ACER2: variants seen among roughly 807,000 people sequenced by gnomAD.
ACER2 encodes the protein alkaline ceramidase 2, also known as alkCDase 2.
ACER2 carries 26 observed loss-of-function variants against 34.7 expected under a neutral mutation model. The ratio of observed to expected loss-of-function variants is 0.75; its 90% CI spans 0.55 to 1.04. The LOEUF (loss-of-function observed/expected upper bound fraction) is 1.04, where lower values mean the gene tolerates loss of function less well. Ranked by LOEUF, ACER2 falls within the 50% of genes least tolerant of loss-of-function variation. The probability of loss-of-function intolerance (pLI) is 0.00; values close to 1 mark genes in which losing one functional copy is unlikely to be tolerated. For synonymous variants in ACER2, 138 were observed against 132.1 expected, an observed-to-expected ratio of 1.04 and a Z score of -0.31; for missense variants, 352 against 340.8, an observed-to-expected ratio of 1.03 and a Z score of -0.26.
intron 5 of ACER2, 44 bp downstream of exon 5, chr9:19,446,462 T>G: frequency 6.2e-7 from 1 of 1,612,816 alleles, no homozygotes; most frequent in Non-Finnish European, 8.5e-7. Flanking sequence ...CAGGTGTGTT[T>G]GCACTTGCTG....
At chr9:19,412,305 T>G (rs1227842813) in intron 1 of ACER2, among the ~76,000 whole-genome samples, 1 of 152,212 alleles carries the variant, frequency 6.6e-6, no homozygotes, top group Non-Finnish European at 1.5e-5. Context: ...TCTGTATCTT[T>G]CTAGATATTT....
chr9:19,435,163 G>T, intron 4 of ACER2, 79 bp downstream of exon 4: 2 of 1,523,738 alleles, frequency 1.3e-6, no homozygotes, highest in African/African-American at 1.4e-5. Context: ...TTGCTGTCCT[G>T]TAGCAGAAGA....
chr9:19,435,771 C>T (rs577685269), intron 4 of ACER2, among the ~76,000 whole-genome samples: 24 of 149,800 alleles, frequency 1.6e-4, no homozygotes, highest in Middle Eastern at 3.7e-3. Flanking sequence ...AAAAAAAAGC[C>T]GGGCGCAGTG....
At chr9:19,410,274 G>A (rs181759512) in intron 1 of ACER2, among the ~76,000 whole-genome samples, 1 of 152,332 alleles carries the variant, frequency 6.6e-6, no homozygotes, top group East Asian at 1.9e-4. Context: ...CTCTTGAGGA[G>A]GGAGCTGTCA....
rs1272815814 is a variant in ACER2, at chr9:19,435,071, G to A, written c.490G>A (p.Ala164Thr). The A allele has an allele frequency of 6.8e-6, 11 of 1,613,940 alleles. No individual in the cohort carries two copies. Among genetic ancestry groups the A allele is most frequent in the Admixed American group, 5.0e-5 (3 of 59,986 alleles). ...AGTTCCTTGCACTGCACTGCTCATCGCAGAGCTAAAGAGGTAGGTGCCATC... is the reference window on the plus strand; with the variant it reads ...AGTTCCTTGCACTGCACTGCTCATCACAGAGCTAAAGAGGTAGGTGCCATC... ...LGVPCTALLI[A>T]ELKRCDNMRV... Residue 164 changes from alanine (A) to threonine (T), a missense_variant, in exon 4 of 6, where the codon GCA (alanine) becomes ACA (threonine). Physicochemically the swap from Ala to Thr is moderately conservative, Grantham distance 58 (BLOSUM62 0). Coordinates refer to ENST00000340967, the MANE Select transcript of ACER2 (RefSeq NM_001010887.3).
In ACER2 at chr9:19,451,796, T is replaced by A. The variant is rs1831578842; in HGVS notation, c.*1160T>A. ...ACATGAAGTTTTTGGAAACGTTTTC[T>A]CATTTGAAGCCTCCAGTATGCTGTA... On this transcript the variant is annotated 3_prime_UTR_variant, in exon 6 of 6. Transcript: ENST00000340967. 1 of 152,234 alleles carries A rather than the reference T, an allele frequency of 6.6e-6. No individual in the cohort carries two copies. Among genetic ancestry groups the A allele is most frequent in the Non-Finnish European group, 1.5e-5 (1 of 68,052 alleles). The allele number at this position is 152,234 out of a possible 1,614,324, so 9.4% of individuals were successfully genotyped here. A position where few individuals can be genotyped will look rare whatever the true frequency, so the allele number is the denominator to read the frequency against.
At chr9:19,413,044 T>G (rs758422139) in intron 1 of ACER2, among the ~76,000 whole-genome samples, 1 of 152,240 alleles carries the variant, frequency 6.6e-6, no homozygotes, top group Admixed American at 6.5e-5. Flanking sequence ...GTTTAAATGC[T>G]GATAATTATT....
rs936123494 is a variant in ACER2, at chr9:19,435,167, C to T, written c.503+83C>T. On this transcript the variant is annotated intron_variant, in intron 4 of 5. Transcript: ENST00000340967. The stretch of plus-strand genomic sequence containing the variant: ...TCGGGGCTTCTTTGCTGTCCTGTAG[C>T]AGAAGAGGAGTTTTATTCCTTGTGA... The T allele has an allele frequency of 1.2e-4, 179 of 1,496,948 alleles. No individual in the cohort carries two copies. In the African/African-American group the frequency reaches 2.4e-3, roughly 20 times the overall value. 92.7% of individuals were successfully genotyped at this position (1,496,948 alleles called of 1,614,324 possible). A position where few individuals can be genotyped will look rare whatever the true frequency, so the allele number is the denominator to read the frequency against.
intron 3 of ACER2, among the ~76,000 whole-genome samples, chr9:19,428,515 A>G (rs896195226): frequency 6.6e-6 from 1 of 151,760 alleles, no homozygotes; most frequent in Admixed American, 6.6e-5. Flanking sequence ...TTAATGTGAG[A>G]TTTTTGGAGA....
intron 4 of ACER2, among the ~76,000 whole-genome samples, chr9:19,438,960 T>C (rs1263197256): frequency 1.3e-5 from 2 of 152,134 alleles, no homozygotes; most frequent in Non-Finnish European, 2.9e-5. Context: ...TGAGAAAATA[T>C]TTTAAGTTCA....
intron 1 of ACER2, among the ~76,000 whole-genome samples, chr9:19,415,547 TA>T (rs1000773045): frequency 1.4e-3 from 220 of 151,814 alleles, no homozygotes; most frequent in African/African-American, 3.0e-3. Context: ...AATTAAAAAT[TA>T]AAAAAAAGTT....
intron 1 of ACER2, among the ~76,000 whole-genome samples, chr9:19,415,463 C>G (rs1053078660): frequency 6.6e-6 from 1 of 151,890 alleles, no homozygotes; most frequent in Non-Finnish European, 1.5e-5. Flanking sequence ...CCACTGTACT[C>G]TAGCCTGGGT....
At chr9:19,411,772 C>G (rs548911283) in intron 1 of ACER2, among the ~76,000 whole-genome samples, 25 of 152,074 alleles carry the variant, frequency 1.6e-4, no homozygotes, top group Admixed American at 3.3e-4. Context: ...AGGAGAAGAC[C>G]GGGAGAGGGA....
In ACER2 at chr9:19,451,940, G is replaced by A. The variant is rs1014099782; in HGVS notation, c.*1304G>A. ...TTCTCGGTTTCCCAGAGTATCCAAC[G>A]GCTCACCTTTCTCAAGTGCTGGCAG... On this transcript the variant is annotated 3_prime_UTR_variant, in exon 6 of 6. Coordinates refer to ENST00000340967, the MANE Select transcript of ACER2 (RefSeq NM_001010887.3). 4 of 120,018 alleles carry A rather than the reference G, an allele frequency of 3.3e-5. No homozygotes were observed. The highest frequency in any genetic ancestry group is 5.2e-5 in the African/African-American group (2 of 38,400). The allele number at this position is 120,018 out of a possible 1,614,324, so 7.4% of individuals were successfully genotyped here. A position where few individuals can be genotyped will look rare whatever the true frequency, so the allele number is the denominator to read the frequency against.
intron 4 of ACER2, among the ~76,000 whole-genome samples, chr9:19,443,585 T>C (rs751519592): frequency 3.9e-5 from 6 of 152,288 alleles, no homozygotes; most frequent in Admixed American, 6.5e-5. Flanking sequence ...CCTGGCACAG[T>C]TGCCAGGCAT....
intron 5 of ACER2, among the ~76,000 whole-genome samples, chr9:19,448,882 C>T (rs1459473745): frequency 2.0e-5 from 3 of 152,122 alleles, no homozygotes; most frequent in African/African-American, 4.8e-5. Context: ...GGCTCACGCC[C>T]GTAATCTCAG....
Position 19,450,334 on chromosome 9 carries a change from G to A in ACER2, c.642-116G>A, listed in dbSNP as rs548963139. On this transcript the variant is annotated intron_variant, in intron 5 of 5. Coordinates refer to ENST00000340967, the MANE Select transcript of ACER2 (RefSeq NM_001010887.3). ...CTTTCCTAATTAGAAGAGGCCCCTG[G>A]GCTGCAACTACAGTCAGCAAGGTGC... 1.7e-5 allele frequency: 23 copies of A among 1,373,040 alleles called. No homozygotes were observed. In the South Asian group the frequency reaches 4.9e-4, roughly 30 times the overall value. 85.1% of individuals were successfully genotyped at this position (1,373,040 alleles called of 1,614,324 possible). A position where few individuals can be genotyped will look rare whatever the true frequency, so the allele number is the denominator to read the frequency against.
At chr9:19,410,589 C>T (rs1007333541) in intron 1 of ACER2, among the ~76,000 whole-genome samples, 2 of 152,116 alleles carry the variant, frequency 1.3e-5, no homozygotes, top group African/African-American at 4.8e-5. Context: ...ACACACTTGT[C>T]GTCCCAGCTA....
At chr9:19,443,630 C>T (rs1240099989) in intron 4 of ACER2, among the ~76,000 whole-genome samples, 1 of 152,130 alleles carries the variant, frequency 6.6e-6, no homozygotes, top group East Asian at 1.9e-4. Flanking sequence ...AGGGGTAGTT[C>T]CTCTGGGATT....
Sources: allele counts gnomAD v4.1 joint callset (sites outside exome capture counted in the v4.1 genomes callset), GRCh38; gene constraint gnomAD v4.1.1; transcripts MANE v1.5; gene names NCBI Gene and HGNC (gene_info 2026-07-23, HGNC 2026-07-21).